Variants in TRAT1 observed in about 807,000 individuals in gnomAD.
The protein encoded by TRAT1 is T-cell receptor-associated transmembrane adapter 1.
Under a neutral mutation model 20.0 loss-of-function variants are expected in TRAT1, and 20 were observed. The ratio of observed to expected loss-of-function variants is 1.00; its 90% confidence interval spans 0.70 to 1.45. TRAT1 has a LOEUF of 1.45. Among genes scored for constraint, TRAT1 ranks in the 40% most tolerant of loss-of-function variants. The pLI is 0.00. For synonymous variants in TRAT1, 77 were observed against 74.2 expected (o/e 1.04, Z -0.20); for missense variants, 237 against 224.1 (o/e 1.06, Z -0.37).
chr3:108,845,493 A>T (rs1043716225), intron 3 of TRAT1, among the ~76,000 whole-genome samples: 1 of 152,228 alleles, frequency 6.6e-6, no homozygotes, highest in Admixed American at 6.5e-5. Flanking sequence ...ATTAAGCTGT[A>T]TTGAATTACC....
At chr3:108,846,404 A>C (rs562672588) in intron 3 of TRAT1, among the ~76,000 whole-genome samples, 1 of 152,310 alleles carries the variant, frequency 6.6e-6, no homozygotes, top group South Asian at 2.1e-4. Context: ...TAAAGCAGGG[A>C]AGAATACTAC....
chr3:108,833,251 C>A (rs1365698407), intron 2 of TRAT1, among the ~76,000 whole-genome samples: 2 of 152,100 alleles, frequency 1.3e-5, no homozygotes, highest in African/African-American at 4.8e-5. Flanking sequence ...AACTCCATCT[C>A]TACTAAAATT....
chr3:108,837,535 C>G, intron 2 of TRAT1, among the ~76,000 whole-genome samples: 1 of 152,206 alleles, frequency 6.6e-6, no homozygotes, highest in Non-Finnish European at 1.5e-5. Context: ...TGTTTGGTGA[C>G]TTACTGAATT....
At chr3:108,824,106 A>G (rs899789858) in intron 1 of TRAT1, among the ~76,000 whole-genome samples, 4 of 152,082 alleles carry the variant, frequency 2.6e-5, no homozygotes, top group African/African-American at 9.7e-5. Flanking sequence ...TCTTGACCTC[A>G]TGATCCGCCC....
At chr3:108,834,113 C>T (rs2715725) in intron 2 of TRAT1, among the ~76,000 whole-genome samples, 141,859 of 152,258 alleles carry the variant, frequency 0.93, 66,326 homozygotes, top group East Asian at 1. Context: ...ATCTGTACAA[C>T]ACCCTGAGCT....
At chr3:108,841,972 T>C (rs1448114178) in intron 3 of TRAT1, among the ~76,000 whole-genome samples, 1 of 152,184 alleles carries the variant, frequency 6.6e-6, no homozygotes, top group African/African-American at 2.4e-5. Context: ...TTTTATCATA[T>C]GAAGAATAAG....
At chr3:108,823,322 T>C (rs764246343) in intron 1 of TRAT1, among the ~76,000 whole-genome samples, 35 of 152,156 alleles carry the variant, frequency 2.3e-4, no homozygotes, top group Non-Finnish European at 4.0e-4. Flanking sequence ...TATAGTATTT[T>C]CTAGAAAGCA....
At position 108,853,600 on chromosome 3, in the gene TRAT1, T is replaced by C. The variant is rs1946016843; in HGVS notation, c.304-20T>C. 6.2e-7 allele frequency: 1 copy of C among 1,605,862 alleles called. No homozygotes were observed. Among genetic ancestry groups the C allele is most frequent in the Admixed American group, 1.7e-5 (1 of 59,172 alleles). On this transcript the variant is annotated intron_variant, in intron 5 of 5. Coordinates refer to ENST00000295756, the MANE Select transcript of TRAT1 (RefSeq NM_016388.4). ...TAAAGAACAGACTAACAATGAAAAA[T>C]TAACATCCCTTTCTTTTAGGCAACC...
At chr3:108,849,900 T>C (rs1945982526) in intron 5 of TRAT1, among the ~76,000 whole-genome samples, 3 of 152,204 alleles carry the variant, frequency 2.0e-5, no homozygotes, top group Non-Finnish European at 4.4e-5. Context: ...TTAAAAGCCA[T>C]TAGAAATTTT....
chr3:108,847,501 G>A (rs1178904852), intron 4 of TRAT1: 3 of 182,428 alleles, frequency 1.6e-5, no homozygotes, highest in Admixed American at 6.3e-5. Flanking sequence ...AAAAGCAAAT[G>A]TACAGTGAAT....
At chr3:108,836,839 A>G (rs1029363479) in intron 2 of TRAT1, among the ~76,000 whole-genome samples, 4 of 152,218 alleles carry the variant, frequency 2.6e-5, no homozygotes, top group African/African-American at 7.2e-5. Context: ...TACCAAATCC[A>G]TATCTTCTGA....
chr3:108,829,084 T>C (rs1945767797), intron 1 of TRAT1, among the ~76,000 whole-genome samples: 1 of 152,180 alleles, frequency 6.6e-6, no homozygotes, highest in African/African-American at 2.4e-5. Context: ...CTTGGACTAT[T>C]TCTAAAGCAG....
rs183265045 is a variant in TRAT1 at position 108,854,567 on chromosome 3, G to C, written c.*690G>C. Reference sequence around the variant, plus strand: ...TCCTTCTAAATATTTTTCTGGGCATGCTTATGTATGTACATCAGTTGTTTC... The same window carrying C: ...TCCTTCTAAATATTTTTCTGGGCATCCTTATGTATGTACATCAGTTGTTTC... On this transcript the variant is annotated 3_prime_UTR_variant, in exon 6 of 6. Coordinates refer to ENST00000295756, the MANE Select transcript of TRAT1 (RefSeq NM_016388.4). 3.3e-5 allele frequency: 5 copies of C among 152,184 alleles called. No individual in the cohort carries two copies. The highest frequency in any genetic ancestry group is 3.3e-4 in the Admixed American group (5 of 15,280). 9.4% of individuals were successfully genotyped at this position (152,184 alleles called of 1,614,324 possible).
chr3:108,846,783 G>A (rs2593830), intron 3 of TRAT1, among the ~76,000 whole-genome samples: 1 of 152,006 alleles, frequency 6.6e-6, no homozygotes, highest in Admixed American at 6.5e-5. Context: ...AAATATACTC[G>A]ATGTAGCGCC....
intron 1 of TRAT1, among the ~76,000 whole-genome samples, chr3:108,823,268 T>C (rs1383635711): frequency 6.6e-6 from 1 of 152,228 alleles, no homozygotes; most frequent in African/African-American, 2.4e-5. Context: ...AGTTTAGCTA[T>C]TAAACAGGAT....
At chr3:108,843,242 A>G (rs1411693082) in intron 3 of TRAT1, among the ~76,000 whole-genome samples, 1 of 152,158 alleles carries the variant, frequency 6.6e-6, no homozygotes, top group Non-Finnish European at 1.5e-5. Context: ...CCTTAAAACT[A>G]GATTGCCAGC....
chr3:108,844,710 G>T (rs1576523487), intron 3 of TRAT1, among the ~76,000 whole-genome samples: 1 of 151,212 alleles, frequency 6.6e-6, no homozygotes, highest in Admixed American at 6.6e-5. Context: ...TGGGTGTGGT[G>T]GCGGGCGCCT....
chr3:108,847,653 G>A (rs992075605), intron 4 of TRAT1, among the ~76,000 whole-genome samples: 1 of 152,088 alleles, frequency 6.6e-6, no homozygotes, highest in Non-Finnish European at 1.5e-5. Flanking sequence ...TGTAATAAGC[G>A]CTCTTCAGTT....
intron 3 of TRAT1, among the ~76,000 whole-genome samples, chr3:108,844,733 A>C (rs996563421): frequency 2.0e-5 from 3 of 149,186 alleles, no homozygotes; most frequent in Admixed American, 1.3e-4. Context: ...AGTCCCAGCT[A>C]CTCGGGAGGC....
Sources: gnomAD v4.1 joint callset for allele counts (sites outside exome capture counted in the v4.1 genomes callset) on GRCh38, gnomAD v4.1.1 for gene constraint, MANE v1.5 for transcripts, NCBI Gene and HGNC (gene_info 2026-07-23, HGNC 2026-07-21) for gene names.